Variants in PCDHA12 observed in about 807,000 individuals in gnomAD.
PCDHA12 encodes protocadherin alpha 12.
In PCDHA12, 44 loss-of-function variants were observed where a neutral mutation model predicts 60.0. The ratio of observed to expected loss-of-function variants is 0.73; its 90% CI spans 0.58 to 0.94. PCDHA12 has a LOEUF of 0.94. Among genes scored for constraint, PCDHA12 ranks in the 40% least tolerant of loss-of-function variants. PCDHA12 has a pLI of 0.00. For synonymous variants in PCDHA12, 569 were observed against 553.0 expected, an observed-to-expected ratio of 1.03 and a Z score of -0.40; for missense variants, 1,276 against 1,239.7, an observed-to-expected ratio of 1.03 and a Z score of -0.44.
chr5:140,956,820 G>C (rs246011), intron 1 of PCDHA12, among the ~76,000 whole-genome samples: 85,659 of 151,910 alleles, frequency 0.56, 24,765 homozygotes, highest in African/African-American at 0.69. Context: ...GCTTCAATTT[G>C]TAATTTAATA....
intron 1 of PCDHA12, chr5:140,927,810 G>C: frequency 6.2e-7 from 1 of 1,614,200 alleles, no homozygotes. Flanking sequence ...AAACGCTCTT[G>C]GAGGCATACA....
rs2057278019 is a variant in PCDHA12 at position 140,877,674 on chromosome 5, G to T, written c.2202G>T (p.Pro734=). ...SAPPTVSRCA[P]GKPTLVCSSA... is the part of the protein sequence containing the mutation. The stretch of plus-strand genomic sequence containing the variant: ...CGCCCACCGTGAGCCGGTGCGCGCC[G>T]GGCAAGCCCACGCTGGTGTGCTCCA... Residue 734 remains proline (P), a synonymous_variant, in exon 1 of 4, where the codon CCG becomes CCT. Transcript: ENST00000398631. The T allele has an allele frequency of 1.2e-6, 2 of 1,613,630 alleles. No individual in the cohort carries two copies. The highest frequency in any genetic ancestry group is 4.5e-5 in the East Asian group (2 of 44,856).
chr5:140,932,637 T>G (rs1554209011), intron 1 of PCDHA12, among the ~76,000 whole-genome samples: 2 of 151,870 alleles, frequency 1.3e-5, no homozygotes, highest in Non-Finnish European at 3.0e-5. Flanking sequence ...TAAAAAACTT[T>G]AGAATGATGA....
intron 1 of PCDHA12, among the ~76,000 whole-genome samples, chr5:140,941,214 C>CTTCCTTTCTTT (rs1554214039): frequency 8.2e-6 from 1 of 122,414 alleles, no homozygotes; most frequent in Non-Finnish European, 1.7e-5. Context: ...TTTCTTTCTT[C>CTTCCTTTCTTT]CTTTCTTTCT....
At chr5:140,881,358 T>A in intron 1 of PCDHA12, 1 of 985,286 alleles carries the variant, frequency 1.0e-6, no homozygotes, top group Non-Finnish European at 1.2e-6. Flanking sequence ...AATGCGTGGC[T>A]TTCGTATGAA....
intron 1 of PCDHA12, chr5:140,968,967 A>G (rs782494657): frequency 2.5e-6 from 4 of 1,614,216 alleles, no homozygotes; most frequent in East Asian, 2.2e-5. Context: ...TGCTACCGCT[A>G]CACTGCGTAT....
At chr5:140,889,267 A>C (rs1376262292) in intron 1 of PCDHA12, among the ~76,000 whole-genome samples, 1 of 151,966 alleles carries the variant, frequency 6.6e-6, no homozygotes. Context: ...AAGTTTGTAT[A>C]ATCTTTGAAT....
At chr5:140,990,097 T>C (rs2097373826) in intron 3 of PCDHA12, among the ~76,000 whole-genome samples, 1 of 151,922 alleles carries the variant, frequency 6.6e-6, no homozygotes, top group African/African-American at 2.4e-5. Flanking sequence ...GTGCTACTAT[T>C]GAAACAGGAA....
At chr5:140,884,656 G>GA (rs1317691755) in intron 1 of PCDHA12, 2 of 1,602,060 alleles carry the variant, frequency 1.2e-6, no homozygotes, top group Non-Finnish European at 1.7e-6. Flanking sequence ...CAGAATGCTT[G>GA]AAAGAGGTAA....
intron 3 of PCDHA12, among the ~76,000 whole-genome samples, chr5:141,008,133 A>G (rs782089475): frequency 6.6e-6 from 1 of 152,208 alleles, no homozygotes; most frequent in Non-Finnish European, 1.5e-5. Context: ...GGGGATGACA[A>G]ATGCTGCTGA....
At chr5:140,956,331 C>T (rs1554222358) in intron 1 of PCDHA12, among the ~76,000 whole-genome samples, 1 of 152,064 alleles carries the variant, frequency 6.6e-6, no homozygotes, top group Non-Finnish European at 1.5e-5. Flanking sequence ...TCCTTCAATA[C>T]CTAGTTTATT....
intron 1 of PCDHA12, among the ~76,000 whole-genome samples, chr5:140,936,326 AT>A: frequency 6.6e-6 from 1 of 152,256 alleles, no homozygotes; most frequent in South Asian, 2.1e-4. Flanking sequence ...CATGCTATAA[AT>A]TTTCTCTATC....
In PCDHA12 at chr5:140,877,068, G is replaced by C. The variant is rs1050946101; in HGVS notation, c.1596G>C (p.Gln532His). ...ACCACGAGGAGCTGGAGCTGCTGCA[G>C]TTCCAGGTGAGCGCGCGCGACGCCG... is the stretch of plus-strand genomic sequence containing the variant. ...PLDHEELELLQFQVSARDAGV... is the reference protein window; with the variant it reads ...PLDHEELELLHFQVSARDAGV... The change falls in exon 1 of 4, where the codon CAG becomes CAC. Residue 532 changes from glutamine (Q) to histidine (H), a missense_variant. Coordinates refer to ENST00000398631, the MANE Select transcript of PCDHA12 (RefSeq NM_018903.4). 4 of 1,613,122 alleles carry C rather than the reference G, an allele frequency of 2.5e-6. No individual in the cohort carries two copies. The highest frequency in any genetic ancestry group is 3.4e-6 in the Non-Finnish European group (4 of 1,179,864).
chr5:141,008,362 G>A (rs2098372939), intron 3 of PCDHA12, among the ~76,000 whole-genome samples: 1 of 152,172 alleles, frequency 6.6e-6, no homozygotes, highest in Non-Finnish European at 1.5e-5. Flanking sequence ...AACCAAAGGA[G>A]CAGTGTTAGA....
intron 1 of PCDHA12, chr5:140,884,567 A>T (rs1562807924): frequency 6.2e-7 from 1 of 1,614,120 alleles, no homozygotes; most frequent in Non-Finnish European, 8.5e-7. Context: ...CCCGCATAAG[A>T]CGGACCTCAT....
At chr5:140,917,015 G>A (rs538557329) in intron 1 of PCDHA12, among the ~76,000 whole-genome samples, 1 of 152,240 alleles carries the variant, frequency 6.6e-6, no homozygotes, top group East Asian at 1.9e-4. Flanking sequence ...CTCCCTTCAT[G>A]TGCAGCTGCT....
In PCDHA12 at chr5:141,011,948, A is replaced by G. The variant is rs1011232437; in HGVS notation, c.*2011A>G. ...TAGGAGTCTGTTATTTAAAAAAAGC[A>G]TTAAATTTAAAAAAAAACTGTCTTG... On this transcript the variant is annotated 3_prime_UTR_variant, in exon 4 of 4. Transcript: ENST00000398631. 3 of 153,698 alleles carry G rather than the reference A, an allele frequency of 2.0e-5. No homozygotes were observed. The highest frequency in any genetic ancestry group is 4.4e-5 in the Non-Finnish European group (3 of 68,026). The allele number at this position is 153,698 out of a possible 1,614,324, so 9.5% of individuals were successfully genotyped here.
chr5:140,879,051 T>A (rs1446827922), intron 1 of PCDHA12, among the ~76,000 whole-genome samples: 1 of 152,166 alleles, frequency 6.6e-6, no homozygotes, highest in Non-Finnish European at 1.5e-5. Flanking sequence ...ATAGACAACA[T>A]TTTACCAAGA....
rs782417854 is a variant in PCDHA12 at position 140,967,777 on chromosome 5, G to T, written c.2368-11172G>T. On this transcript the variant is annotated intron_variant, in intron 1 of 3. Transcript: ENST00000398631. The stretch of plus-strand genomic sequence containing the variant: ...CCTCCTACCAGATCTATGTGCAGGC[G>T]ACTGACCGGGGTCCAGTGCCCATGG... 2.5e-6 allele frequency: 4 copies of T among 1,614,186 alleles called. No individual in the cohort carries two copies. The South Asian group carries it at 4.4e-5, about 18-fold the overall frequency.
Sources: gnomAD v4.1 joint callset for allele counts (sites outside exome capture counted in the v4.1 genomes callset) on GRCh38, gnomAD v4.1.1 for gene constraint, MANE v1.5 for transcripts, NCBI Gene and HGNC (gene_info 2026-07-23, HGNC 2026-07-21) for gene names.